Variants in ACAP2 observed in about 807,000 individuals in gnomAD.
The protein encoded by ACAP2 is arf-GAP with coiled-coil, ANK repeat and PH domain-containing protein 2.
In ACAP2, 39 loss-of-function variants were observed where a neutral mutation model predicts 115.8. The observed-to-expected ratio is 0.34, with a 90% CI of 0.26 to 0.44. ACAP2 has a LOEUF of 0.44. Among genes scored for constraint, ACAP2 ranks in the 20% least tolerant of loss-of-function variants. ACAP2 has a pLI of 1.00. For synonymous variants in ACAP2, 289 were observed against 315.8 expected (o/e 0.92, Z 0.90); for missense variants, 662 against 927.6 (o/e 0.71, Z 3.72).
intron 1 of ACAP2, among the ~76,000 whole-genome samples, chr3:195,435,912 T>A (rs1320997754): frequency 6.6e-6 from 1 of 152,142 alleles, no homozygotes; most frequent in Non-Finnish European, 1.5e-5. Context: ...ATTAATCATC[T>A]GCCTGGTTGT....
At chr3:195,300,727 C>G (rs778035823) in intron 15 of ACAP2, among the ~76,000 whole-genome samples, 1 of 152,168 alleles carries the variant, frequency 6.6e-6, no homozygotes, top group Non-Finnish European at 1.5e-5. Flanking sequence ...GGCATAGAAT[C>G]TGAACTGGGC....
At position 195,392,167 on chromosome 3, in the gene ACAP2, A is replaced by C. The variant is rs1734723875; in HGVS notation, c.54-20T>G. ...GCTGCCCTAGAAAAATTAAATATAA[A>C]ATAAGTTATTTCGTTTGTTTAAATG... is the stretch of plus-strand genomic sequence containing the variant. On this transcript the variant is annotated intron_variant, in intron 1 of 22. Transcript: ENST00000326793. 6.3e-7 allele frequency: 1 copy of C among 1,592,082 alleles called. No homozygotes were observed. The highest frequency in any genetic ancestry group is 2.3e-5 in the East Asian group (1 of 44,442).
In ACAP2 at chr3:195,279,355, A is replaced by C. The variant is rs1726338464; in HGVS notation, c.2310T>G (p.Arg770=). ...AGAATTTCTGTGAATCTTGCTGGAA[A>C]CGATTTAGTTTCTCTGGATTATTGG... ...MASNNPEKLN[R]FQQDSQKF The change falls in exon 23 of 23, where the codon CGT becomes CGG. Residue 770 remains arginine, a synonymous_variant. Coordinates refer to ENST00000326793, the MANE Select transcript of ACAP2 (RefSeq NM_012287.6). The C allele has an allele frequency of 3.7e-6, 6 of 1,604,576 alleles. No individual in the cohort carries two copies. The East Asian group carries it at 1.4e-4, about 36-fold the overall frequency.
At position 195,324,434 on chromosome 3, in the gene ACAP2, A is replaced by C. The variant is rs114096140; in HGVS notation, c.744+2451T>G. Among the ~76,000 whole-genome samples the C allele has an allele frequency of 5.8e-3, 886 of 152,228 alleles. 8 individuals are homozygous for C. The highest frequency in any genetic ancestry group is 0.021 in the African/African-American group (854 of 41,546). ...GAGAATTAAAGGAAACTAGATCTCT[A>C]CCTCACACCACACACAAAAACCCAA... On this transcript the variant is annotated intron_variant, in intron 9 of 22. Transcript: ENST00000326793.
chr3:195,398,205 C>A (rs1711965337), intron 1 of ACAP2, among the ~76,000 whole-genome samples: 1 of 152,108 alleles, frequency 6.6e-6, no homozygotes, highest in Non-Finnish European at 1.5e-5. Context: ...AGGTTCTATC[C>A]AACTCCTCTA....
chr3:195,442,504 C>G (rs560002804), intron 1 of ACAP2, among the ~76,000 whole-genome samples: 2 of 152,330 alleles, frequency 1.3e-5, no homozygotes, highest in Admixed American at 1.3e-4. Flanking sequence ...GCGGCTGCAC[C>G]CCATTTCCCC....
chr3:195,393,891 G>T (rs1016684109), intron 1 of ACAP2, among the ~76,000 whole-genome samples: 2 of 143,776 alleles, frequency 1.4e-5, no homozygotes, highest in East Asian at 2.0e-4. Flanking sequence ...TATTGGGGGG[G>T]GGGGAAGCAA....
intron 21 of ACAP2, among the ~76,000 whole-genome samples, 185 bp downstream of exon 21, chr3:195,288,936 G>A (rs1029296804): frequency 2.0e-5 from 3 of 152,172 alleles, no homozygotes; most frequent in Admixed American, 1.3e-4. Context: ...AATAAGTAGA[G>A]ATGATTTAAA....
chr3:195,429,131 T>C (rs992200212), intron 1 of ACAP2, among the ~76,000 whole-genome samples: 6 of 152,112 alleles, frequency 3.9e-5, no homozygotes, highest in Admixed American at 1.3e-4. Flanking sequence ...CTCACACTTG[T>C]AATCCCAGCA....
chr3:195,362,300 G>C (rs1732425592), intron 4 of ACAP2, among the ~76,000 whole-genome samples: 1 of 138,862 alleles, frequency 7.2e-6, no homozygotes, highest in African/African-American at 2.7e-5. Flanking sequence ...TGGGCAACAA[G>C]AGTGAAAACT....
intron 1 of ACAP2, among the ~76,000 whole-genome samples, chr3:195,411,738 T>C (rs1440765707): frequency 2.0e-5 from 3 of 152,162 alleles, no homozygotes; most frequent in African/African-American, 7.2e-5. Flanking sequence ...AAAATAAATA[T>C]GCAGCATTAA....
chr3:195,374,557 A>G (rs1733385090), intron 4 of ACAP2, among the ~76,000 whole-genome samples: 1 of 152,234 alleles, frequency 6.6e-6, no homozygotes, highest in South Asian at 2.1e-4. Context: ...CCTGAGAGTT[A>G]GGGGAAAAGG....
chr3:195,342,761 C>T (rs1003983587), intron 5 of ACAP2, 107 bp from the exon 6 acceptor site: 18 of 773,744 alleles, frequency 2.3e-5, no homozygotes, highest in South Asian at 3.9e-5. Context: ...TTTGGGAGGC[C>T]GAGGTGGGTG....
chr3:195,427,994 TACAC>T (rs76496976), intron 1 of ACAP2, among the ~76,000 whole-genome samples: 2 of 150,482 alleles, frequency 1.3e-5, no homozygotes, highest in African/African-American at 4.9e-5. Flanking sequence ...TATATATATA[TACAC>T]ACACACGTCT....
At chr3:195,440,586 C>T (rs1438948342) in intron 1 of ACAP2, among the ~76,000 whole-genome samples, 1 of 152,112 alleles carries the variant, frequency 6.6e-6, no homozygotes, top group African/African-American at 2.4e-5. Context: ...AAAAACAAGC[C>T]CAGGCCTCAC....
intron 1 of ACAP2, among the ~76,000 whole-genome samples, chr3:195,414,766 C>T (rs1040358977): frequency 6.6e-5 from 10 of 152,050 alleles, no homozygotes; most frequent in Non-Finnish European, 1.5e-4. Context: ...GATGCTTAAC[C>T]AGTATAATCC....
At chr3:195,377,163 G>GTTTTTTTTTTTTTT (rs1412992193) in intron 4 of ACAP2, among the ~76,000 whole-genome samples, 1 of 37,306 alleles carries the variant, frequency 2.7e-5, no homozygotes, top group Non-Finnish European at 4.5e-5. Flanking sequence ...TTTTTTTTTG[G>GTTTTTTTTTTTTTT]AAACAAGGTC....
intron 1 of ACAP2, among the ~76,000 whole-genome samples, chr3:195,404,036 C>A (rs1455732524): frequency 6.6e-6 from 1 of 152,134 alleles, no homozygotes; most frequent in African/African-American, 2.4e-5. Flanking sequence ...GAAGCAGCAA[C>A]TGATGACATA....
At chr3:195,384,132 C>A (rs921673696) in intron 2 of ACAP2, among the ~76,000 whole-genome samples, 1 of 152,078 alleles carries the variant, frequency 6.6e-6, no homozygotes, top group Non-Finnish European at 1.5e-5. Flanking sequence ...AAAATGTATT[C>A]TACAACTATA....
Sources: allele counts gnomAD v4.1 joint callset (sites outside exome capture counted in the v4.1 genomes callset), GRCh38; gene constraint gnomAD v4.1.1; transcripts MANE v1.5; gene names NCBI Gene and HGNC (gene_info 2026-07-23, HGNC 2026-07-21).